Variants in ADAM10 observed in about 807,000 individuals in gnomAD.
ADAM10 encodes ADAM metallopeptidase domain 10.
A neutral mutation model predicts 90.1 loss-of-function variants in ADAM10; 17 were observed. That is an observed-to-expected ratio of 0.19 (90% CI 0.13 to 0.28). The LOEUF (loss-of-function observed/expected upper bound fraction) is 0.28. Among genes scored for constraint, ADAM10 ranks in the 10% least tolerant of loss-of-function variants. The pLI is 1.00. For synonymous variants in ADAM10, 310 were observed against 298.6 expected (o/e 1.04, Z -0.40); for missense variants, 610 against 914.3 (o/e 0.67, Z 4.29).
intron 2 of ADAM10, chr15:58,691,327 G>A: frequency 8.4e-7 from 1 of 1,194,472 alleles, no homozygotes; most frequent in Non-Finnish European, 1.2e-6. Flanking sequence ...TCCTTGAGCT[G>A]CTGCACACAG....
chr15:58,602,928 A>C (rs1279770627), intron 14 of ADAM10, among the ~76,000 whole-genome samples: 2 of 152,188 alleles, frequency 1.3e-5, no homozygotes, highest in Non-Finnish European at 2.9e-5. Flanking sequence ...GAGAAGCAAT[A>C]TATCCGAATT....
chr15:58,628,627 C>A (rs1448009637), intron 9 of ADAM10, among the ~76,000 whole-genome samples: 2 of 152,160 alleles, frequency 1.3e-5, no homozygotes, highest in African/African-American at 4.8e-5. Flanking sequence ...CAACAGAACA[C>A]TACTACCAGA....
intron 5 of ADAM10, among the ~76,000 whole-genome samples, chr15:58,657,529 T>C (rs1896856776): frequency 6.6e-6 from 1 of 152,214 alleles, no homozygotes; most frequent in African/African-American, 2.4e-5. Context: ...CTAGAATTTC[T>C]GCTTGATTCT....
intron 4 of ADAM10, among the ~76,000 whole-genome samples, chr15:58,673,412 CTGT>C (rs1260144144): frequency 6.7e-6 from 1 of 148,638 alleles, no homozygotes; most frequent in African/African-American, 2.5e-5. Context: ...AAAGCTGCAG[CTGT>C]TTTTTTGACA....
At chr15:58,696,905 G>A (rs751937484) in intron 2 of ADAM10, among the ~76,000 whole-genome samples, 11 of 152,110 alleles carry the variant, frequency 7.2e-5, no homozygotes, top group Non-Finnish European at 1.6e-4. Flanking sequence ...TGAGAGCCCA[G>A]CCCCAACAAG....
intron 1 of ADAM10, chr15:58,733,022 G>T: frequency 6.6e-6 from 1 of 152,406 alleles, no homozygotes. Context: ...ACCTTGCTTG[G>T]CACATGAAAG....
chr15:58,655,711 G>GTA (rs1174017303), intron 5 of ADAM10, among the ~76,000 whole-genome samples: 7,227 of 53,250 alleles, frequency 0.14, 641 homozygotes, highest in Non-Finnish European at 0.19. Context: ...TATATATATA[G>GTA]TATATATATA....
In ADAM10 at chr15:58,653,823, A is replaced by G. The variant is rs552511985; in HGVS notation, c.586-7619T>C. Among the ~76,000 whole-genome samples the G allele has an allele frequency of 1.2e-4, 19 of 152,326 alleles. No individual in the cohort carries two copies. In the South Asian group the frequency reaches 3.9e-3, roughly 32 times the overall value. On this transcript the variant is annotated intron_variant, in intron 5 of 15. Transcript: ENST00000260408. ...TTGTAAATATTTGGTAGAATTCAAC[A>G]GTGAAGCCACTGGGTCCCAGACTTT...
chr15:58,744,753 T>C (rs1899731961), intron 1 of ADAM10, among the ~76,000 whole-genome samples: 1 of 152,252 alleles, frequency 6.6e-6, no homozygotes, highest in African/African-American at 2.4e-5. Flanking sequence ...CTTACACCTG[T>C]AATCCCAGCA....
rs903620477 is a variant in ADAM10, at chr15:58,623,965, G to T, written c.1361-2344C>A. The stretch of plus-strand genomic sequence containing the variant: ...CTACACATTCTGCACTTGTATCCCG[G>T]AACTTAAAGTGAAATTTAAAAAAAA... On this transcript the variant is annotated intron_variant, in intron 10 of 15. Coordinates refer to ENST00000260408, the MANE Select transcript of ADAM10 (RefSeq NM_001110.4). Among the ~76,000 whole-genome samples, 19 of 146,220 alleles carry T rather than the reference G, an allele frequency of 1.3e-4. 1 individual carries two copies. The highest frequency in any genetic ancestry group is 3.4e-3 in the Middle Eastern group (1 of 294).
chr15:58,640,958 G>T lies in ADAM10; in HGVS notation c.831C>A (p.Ile277=). 1.2e-6 allele frequency: 2 copies of T among 1,613,478 alleles called. No homozygotes were observed. Among genetic ancestry groups the T allele is most frequent in the South Asian group, 2.2e-5 (2 of 91,028 alleles). Residue 277 remains isoleucine, a splice_region_variant and synonymous_variant, in exon 8 of 16, where the codon ATC becomes ATA. Coordinates refer to ENST00000260408, the MANE Select transcript of ADAM10 (RefSeq NM_001110.4). ...GGTCCTTCTCATCAGCAGTTGTATT[G>T]ATCTAAAATCCAAAACAATAATTTA... ...NISFMVKRIR[I]NTTADEKDPT...
In ADAM10 at chr15:58,712,931, C is replaced by T. The variant is rs767536513; in HGVS notation, c.206+4646G>A. ...TACATCACGCACTTTCACATGAACA[C>T]GAGGACTGAGAGAAAACAAATTTCG... On this transcript the variant is annotated intron_variant, in intron 2 of 15. Coordinates refer to ENST00000260408, the MANE Select transcript of ADAM10 (RefSeq NM_001110.4). 2.6e-5 allele frequency among the ~76,000 whole-genome samples: 4 copies of T among 152,258 alleles called. No homozygotes were observed. The East Asian group carries it at 7.7e-4, about 29-fold the overall frequency.
At position 58,597,373 on chromosome 15, in the gene ADAM10, T is replaced by A; in HGVS notation, c.*174A>T. 1 of 1,544,116 alleles carries A rather than the reference T, an allele frequency of 6.5e-7. No homozygotes were observed. Among genetic ancestry groups the A allele is most frequent in the South Asian group, 1.2e-5 (1 of 82,904 alleles). The stretch of plus-strand genomic sequence containing the variant: ...ACCTCCCACCCCCAAATTGGAATTT[T>A]CAGGCTTTAAAATTTAAGTAATTCC... On this transcript the variant is annotated 3_prime_UTR_variant, in exon 16 of 16. Transcript: ENST00000260408.
chr15:58,745,030 A>C (rs1433716312), intron 1 of ADAM10, among the ~76,000 whole-genome samples: 1 of 152,210 alleles, frequency 6.6e-6, no homozygotes, highest in Non-Finnish European at 1.5e-5. Context: ...TAAAAATACA[A>C]AAATTAGCCA....
At chr15:58,734,638 C>G (rs751958063) in intron 1 of ADAM10, among the ~76,000 whole-genome samples, 1 of 150,562 alleles carries the variant, frequency 6.6e-6, no homozygotes, top group African/African-American at 2.4e-5. Flanking sequence ...AAGTAGAGGC[C>G]GCAGTGAGCC....
chr15:58,740,466 A>C (rs1899574334), intron 1 of ADAM10, among the ~76,000 whole-genome samples: 1 of 152,200 alleles, frequency 6.6e-6, no homozygotes, highest in Non-Finnish European at 1.5e-5. Flanking sequence ...AATATGGTAT[A>C]AACAGGAATG....
chr15:58,724,244 A>G (rs1898957472), intron 1 of ADAM10, among the ~76,000 whole-genome samples: 1 of 152,180 alleles, frequency 6.6e-6, no homozygotes, highest in African/African-American at 2.4e-5. Context: ...TTATAAGGAG[A>G]AGGTTCTAAA....
At chr15:58,647,507 G>A (rs987344078) in intron 5 of ADAM10, among the ~76,000 whole-genome samples, 3 of 151,104 alleles carry the variant, frequency 2.0e-5, no homozygotes, top group African/African-American at 4.9e-5. Context: ...CTCGTGATCC[G>A]CCCGCCTCGG....
chr15:58,651,765 C>T (rs1488395988), intron 5 of ADAM10, among the ~76,000 whole-genome samples: 3 of 152,106 alleles, frequency 2.0e-5, no homozygotes, highest in African/African-American at 7.2e-5. Flanking sequence ...GGTAGATGTG[C>T]AGCAGTGGGA....
Sources: gnomAD v4.1 joint callset for allele counts (sites outside exome capture counted in the v4.1 genomes callset) on GRCh38, gnomAD v4.1.1 for gene constraint, MANE v1.5 for transcripts, NCBI Gene and HGNC (gene_info 2026-07-23, HGNC 2026-07-21) for gene names.